The following SGIP1 variants were observed in gnomAD, a reference collection of about 807,000 sequenced individuals.
SGIP1 encodes the protein SH3-containing GRB2-like protein 3-interacting protein 1.
Under a neutral mutation model 107.5 loss-of-function variants are expected in SGIP1, and 38 were observed. The observed-to-expected ratio is 0.35, with a 90% CI of 0.27 to 0.46. The LOEUF is 0.46. Among genes scored for constraint, SGIP1 ranks in the 20% least tolerant of loss-of-function variants. The pLI, the probability that SGIP1 is intolerant of heterozygous loss-of-function variation, is 1.00. For missense variants in SGIP1, 929 were observed against 1,019.5 expected (o/e 0.91, Z 1.21); for synonymous variants, 365 against 366.1 (o/e 1.00, Z 0.03).
At chr1:66,600,777 T>A (rs1352208762) in intron 1 of SGIP1, among the ~76,000 whole-genome samples, 1 of 152,130 alleles carries the variant, frequency 6.6e-6, no homozygotes, top group African/African-American at 2.4e-5. Flanking sequence ...CCAGAAAATG[T>A]GCTGATTTTA....
intron 1 of SGIP1, among the ~76,000 whole-genome samples, chr1:66,546,426 A>G (rs1478031799): frequency 2.6e-5 from 4 of 152,262 alleles, no homozygotes; most frequent in Non-Finnish European, 5.9e-5. Context: ...TCTCATTGTT[A>G]AGAAAGAACC....
chr1:66,619,027 G>T lies in SGIP1; in HGVS notation c.11-6820G>T, dbSNP rs76482506. On this transcript the variant is annotated intron_variant, in intron 1 of 24. Coordinates refer to ENST00000371037, the MANE Select transcript of SGIP1 (RefSeq NM_032291.4). The stretch of plus-strand genomic sequence containing the variant: ...TTCTGGGGGAGATACGTGAGGAACA[G>T]ATTGCATTCCACTATTAACTGGGTT... Among the ~76,000 whole-genome samples, 966 of 152,272 alleles carry T rather than the reference G, an allele frequency of 6.3e-3. 11 individuals carry two copies. The highest frequency in any genetic ancestry group is 0.022 in the African/African-American group (906 of 41,544).
At position 66,625,863 on chromosome 1, in the gene SGIP1, A is replaced by C. The variant is rs1259139832; in HGVS notation, c.27A>C (p.Thr9=). The part of the protein sequence containing the change: MMEGLKKR[T]RKAFGIRKKE... ...TTCCCACAGGATTGAAAAAACGTAC[A>C]AGGAAGGCCTTTGGAATACGGAAGA... Residue 9 remains threonine (T), a synonymous_variant, in exon 2 of 25, where the codon ACA becomes ACC. Transcript: ENST00000371037. 2 of 1,612,300 alleles carry C rather than the reference A, an allele frequency of 1.2e-6. No individual in the cohort carries two copies. The highest frequency in any genetic ancestry group is 1.7e-4 in the Middle Eastern group (1 of 6,046).
At chr1:66,667,589 C>G (rs895284685) in intron 9 of SGIP1, 48 bp downstream of exon 9, 2 of 1,594,606 alleles carry the variant, frequency 1.3e-6, no homozygotes, top group Non-Finnish European at 8.6e-7. Context: ...GAGAAAATTG[C>G]TGCCAAGGCA....
chr1:66,670,895 A>G (rs1019265435), intron 9 of SGIP1, 100 bp from the exon 10 acceptor site: 1 of 541,392 alleles, frequency 1.8e-6, no homozygotes, highest in Non-Finnish European at 3.1e-6. Flanking sequence ...CCCTATCTGC[A>G]TTTATTTGAG....
intron 1 of SGIP1, among the ~76,000 whole-genome samples, chr1:66,569,633 G>T (rs1448797413): frequency 1.3e-5 from 2 of 151,698 alleles, no homozygotes; most frequent in African/African-American, 4.8e-5. Flanking sequence ...TTTATACATT[G>T]TTGGATTTGA....
chr1:66,727,579 G>A (rs957791193), intron 19 of SGIP1, among the ~76,000 whole-genome samples: 7 of 152,162 alleles, frequency 4.6e-5, no homozygotes, highest in South Asian at 2.1e-4. Context: ...ACCCGTACAC[G>A]CGTATTCATT....
chr1:66,684,985 A>C (rs1369893850), intron 15 of SGIP1, among the ~76,000 whole-genome samples: 1 of 152,262 alleles, frequency 6.6e-6, no homozygotes, highest in Non-Finnish European at 1.5e-5. Context: ...GTGAATAAAT[A>C]AAACTCTGCA....
At chr1:66,668,336 G>A (rs574618854) in intron 9 of SGIP1, among the ~76,000 whole-genome samples, 5 of 151,954 alleles carry the variant, frequency 3.3e-5, no homozygotes, top group South Asian at 2.1e-4. Flanking sequence ...GATTACAGGC[G>A]CCTGCCACCA....
At chr1:66,622,600 C>A (rs146199917) in intron 1 of SGIP1, among the ~76,000 whole-genome samples, 27 of 152,112 alleles carry the variant, frequency 1.8e-4, no homozygotes, top group African/African-American at 6.0e-4. Context: ...TCCCACAACA[C>A]CAAAAGAAGC....
At chr1:66,691,925 C>T (rs944405065) in intron 17 of SGIP1, among the ~76,000 whole-genome samples, 1 of 152,126 alleles carries the variant, frequency 6.6e-6, no homozygotes, top group African/African-American at 2.4e-5. Flanking sequence ...CTTTGGGAGG[C>T]CGAGGCGGGC....
chr1:66,721,609 A>G (rs1208248832), intron 19 of SGIP1, among the ~76,000 whole-genome samples: 1 of 151,906 alleles, frequency 6.6e-6, no homozygotes, highest in African/African-American at 2.4e-5. Flanking sequence ...GGGTTTTTTC[A>G]TATTGCCCAG....
chr1:66,586,644 C>A (rs1425827695), intron 1 of SGIP1, among the ~76,000 whole-genome samples: 1 of 152,002 alleles, frequency 6.6e-6, no homozygotes, highest in Non-Finnish European at 1.5e-5. Context: ...TTAAATATTT[C>A]CTCTATATGC....
rs72670255 is a variant in SGIP1 at position 66,572,032 on chromosome 1, C to A, written c.10+37664C>A. Among the ~76,000 whole-genome samples, 938 of 152,152 alleles carry A rather than the reference C, an allele frequency of 6.2e-3. 9 individuals are homozygous for A. The highest frequency in any genetic ancestry group is 0.031 in the Middle Eastern group (9 of 292). ...ACTACATTCTGTTGTAATTATCAAG[C>A]CAATGTCTCTCTGTCTCTGTACTCC... On this transcript the variant is annotated intron_variant, in intron 1 of 24. Transcript: ENST00000371037.
At chr1:66,662,831 G>T (rs1417124797) in intron 8 of SGIP1, among the ~76,000 whole-genome samples, 1 of 152,146 alleles carries the variant, frequency 6.6e-6, no homozygotes, top group African/African-American at 2.4e-5. Context: ...AGAAATGAAG[G>T]AAATTTGTTC....
intron 4 of SGIP1, among the ~76,000 whole-genome samples, chr1:66,636,841 T>C (rs1278036187): frequency 6.6e-6 from 1 of 152,190 alleles, no homozygotes; most frequent in Admixed American, 6.5e-5. Flanking sequence ...TTTTGATGAA[T>C]GTATAATTGA....
chr1:66,645,464 A>C (rs1365173472), intron 7 of SGIP1, among the ~76,000 whole-genome samples: 1 of 152,142 alleles, frequency 6.6e-6, no homozygotes, highest in Non-Finnish European at 1.5e-5. Context: ...TCTGATGAAA[A>C]AATGTTAAGG....
At chr1:66,535,847 T>C (rs1210954857) in intron 1 of SGIP1, among the ~76,000 whole-genome samples, 1 of 152,218 alleles carries the variant, frequency 6.6e-6, no homozygotes, top group African/African-American at 2.4e-5. Context: ...ATTATCTTCT[T>C]CAGAAAAAAT....
chr1:66,634,209 C>G, intron 3 of SGIP1: 2 of 1,504,820 alleles, frequency 1.3e-6, no homozygotes, highest in Non-Finnish European at 1.8e-6. Context: ...GCTTGGTCCC[C>G]TCCCTGGGTT....
Sources: gnomAD v4.1 joint callset for allele counts (sites outside exome capture counted in the v4.1 genomes callset) on GRCh38, gnomAD v4.1.1 for gene constraint, MANE v1.5 for transcripts, NCBI Gene and HGNC (gene_info 2026-07-23, HGNC 2026-07-21) for gene names.